Variants in AGR3 observed in about 807,000 individuals in gnomAD.
The protein encoded by AGR3 is anterior gradient 3, protein disulphide isomerase family member.
AGR3 carries 37 observed loss-of-function variants against 24.5 expected under a neutral mutation model. The observed-to-expected ratio is 1.51, with a 90% CI of 1.16 to 1.99. The LOEUF (loss-of-function observed/expected upper bound fraction) is 1.99, where lower values mean the gene tolerates loss of function less well. Ranked by LOEUF, AGR3 falls within the 30% of genes most tolerant of loss-of-function variation. The pLI is 0.00. For synonymous variants in AGR3, 75 were observed against 61.6 expected, an observed-to-expected ratio of 1.22 and a Z score of -1.02; for missense variants, 228 against 191.1, an observed-to-expected ratio of 1.19 and a Z score of -1.14.
chr7:16,861,350 T>G (rs1781638749), intron 6 of AGR3, 34 bp downstream of exon 6: 47 of 1,486,188 alleles, frequency 3.2e-5, no homozygotes, highest in Non-Finnish European at 4.1e-5. Context: ...TCTACTAATT[T>G]TGTAGATCTG....
intron 4 of AGR3, among the ~76,000 whole-genome samples, 199 bp downstream of exon 4, chr7:16,862,411 A>G (rs558250965): frequency 6.0e-4 from 91 of 152,310 alleles, no homozygotes; most frequent in Middle Eastern, 6.8e-3. Context: ...CCAAGGGAAT[A>G]TAATAGAAAT....
At chr7:16,881,445 A>G (rs988960904) in intron 1 of AGR3, among the ~76,000 whole-genome samples, 3 of 152,190 alleles carry the variant, frequency 2.0e-5, no homozygotes, top group African/African-American at 7.2e-5. Context: ...TATCAGTTGC[A>G]AGGTTAAGCT....
intron 5 of AGR3, 48 bp downstream of exon 5, chr7:16,861,936 A>C: frequency 6.8e-7 from 1 of 1,481,446 alleles, no homozygotes; most frequent in Non-Finnish European, 9.2e-7. Context: ...CGGATTCAAA[A>C]TTTCCATGAA....
At position 16,878,580 on chromosome 7, in the gene AGR3, G is replaced by A. The variant is rs150179457; in HGVS notation, c.39C>T (p.Leu13=). ...LHSALGLCLL[L]VTVSSNLAIA... is the part of the protein sequence containing the mutation. ...TGGCAAGGTTGGAAGAAACTGTGAC[G>A]AGTAAGAGGCAGAGACCCAAAGCTG... Residue 13 remains leucine, a synonymous_variant, in exon 2 of 8, where the codon CTC becomes CTT. Coordinates refer to ENST00000310398, the MANE Select transcript of AGR3 (RefSeq NM_176813.5). The A allele has an allele frequency of 6.2e-6, 10 of 1,614,000 alleles. No individual in the cohort carries two copies. The highest frequency in any genetic ancestry group is 3.3e-4 in the Middle Eastern group (2 of 6,084).
At chr7:16,880,907 G>T (rs976366160) in intron 1 of AGR3, among the ~76,000 whole-genome samples, 5 of 152,074 alleles carry the variant, frequency 3.3e-5, no homozygotes, top group African/African-American at 1.2e-4. Context: ...TCTTAACCTG[G>T]ATCCAGCAGG....
intron 1 of AGR3, among the ~76,000 whole-genome samples, chr7:16,879,113 T>C (rs1217522511): frequency 1.3e-5 from 2 of 152,242 alleles, no homozygotes; most frequent in Non-Finnish European, 2.9e-5. Context: ...TGAATAAATA[T>C]TGCTTAAAAT....
intron 1 of AGR3, 69 bp from the exon 2 acceptor site, chr7:16,878,714 A>G: frequency 8.1e-7 from 1 of 1,231,730 alleles, no homozygotes; most frequent in Non-Finnish European, 1.2e-6. Flanking sequence ...GATATTTGCT[A>G]AGAGTTGGAC....
chr7:16,855,642 G>A (rs10244119), downstream of AGR3, among the ~76,000 whole-genome samples: 137,309 of 152,262 alleles, frequency 0.9, 61,986 homozygotes, highest in East Asian at 1. Context: ...AGCGAAAAAG[G>A]CAGATGTTGC....
chr7:16,862,104 A>C, intron 4 of AGR3, 44 bp from the exon 5 acceptor site: 3 of 1,429,804 alleles, frequency 2.1e-6, no homozygotes, highest in Non-Finnish European at 3.0e-6. Context: ...AAGGATCAAG[A>C]GACCTTTAAT....
At chr7:16,865,057 A>G (rs372370852) in intron 3 of AGR3, 32 of 790,486 alleles carry the variant, frequency 4.0e-5, no homozygotes, top group South Asian at 1.4e-4. Flanking sequence ...GAGGGCAACC[A>G]AGATGAGTCT....
At chr7:16,871,472 G>T (rs1321973799) in intron 3 of AGR3, among the ~76,000 whole-genome samples, 4 of 152,012 alleles carry the variant, frequency 2.6e-5, no homozygotes, top group Admixed American at 2.6e-4. Flanking sequence ...AAATCAACAT[G>T]CAAAACCAGT....
chr7:16,879,141 T>C (rs940660348), intron 1 of AGR3, among the ~76,000 whole-genome samples: 1 of 152,192 alleles, frequency 6.6e-6, no homozygotes, highest in Non-Finnish European at 1.5e-5. Flanking sequence ...AGAGGAAAAA[T>C]AGAATATGGA....
chr7:16,878,711 G>A (rs1350371442), intron 1 of AGR3, 66 bp from the exon 2 acceptor site: 2 of 1,253,514 alleles, frequency 1.6e-6, no homozygotes, highest in Non-Finnish European at 2.3e-6. Context: ...GAAGATATTT[G>A]CTAAGAGTTG....
In AGR3 at chr7:16,862,546, C is replaced by G. The variant is rs1161426372; in HGVS notation, c.226+64G>C. ...GCCTTCTTAGCTATTATTACCAGGT[C>G]ACTTTTCCTATTTTATATTGGAAAT... is the stretch of plus-strand genomic sequence containing the variant. On this transcript the variant is annotated intron_variant, in intron 4 of 7. Coordinates refer to ENST00000310398, the MANE Select transcript of AGR3 (RefSeq NM_176813.5). 10 of 1,061,302 alleles carry G rather than the reference C, an allele frequency of 9.4e-6. No individual in the cohort carries two copies. In the Admixed American group the frequency reaches 1.5e-4, roughly 16 times the overall value. 65.7% of individuals were successfully genotyped at this position (1,061,302 alleles called of 1,614,324 possible).
chr7:16,880,322 G>A (rs1398343349), intron 1 of AGR3, among the ~76,000 whole-genome samples: 1 of 151,524 alleles, frequency 6.6e-6, no homozygotes, highest in Non-Finnish European at 1.5e-5. Context: ...CATCATGCCC[G>A]GCTAATTTTT....
chr7:16,873,619 G>T (rs1781926548), intron 3 of AGR3, 161 bp downstream of exon 3: 1 of 605,390 alleles, frequency 1.7e-6, no homozygotes, highest in African/African-American at 1.9e-5. Flanking sequence ...CCACCAGAAA[G>T]AAATGATATG....
chr7:16,866,975 G>T (rs1488521616), intron 3 of AGR3, among the ~76,000 whole-genome samples: 1 of 151,852 alleles, frequency 6.6e-6, no homozygotes. Context: ...TTCTTTGTTT[G>T]GCTATGCTCA....
intron 3 of AGR3, chr7:16,864,943 T>C (rs1330586719): frequency 1.1e-5 from 11 of 994,402 alleles, no homozygotes; most frequent in Non-Finnish European, 1.8e-5. Context: ...GTCTATGTAG[T>C]TTTGGTGAAG....
intron 3 of AGR3, among the ~76,000 whole-genome samples, chr7:16,871,799 GC>G (rs1408490525): frequency 3.9e-5 from 6 of 151,958 alleles, no homozygotes; most frequent in African/African-American, 1.5e-4. Flanking sequence ...CTGAGATCGC[GC>G]CACTGTACTC....
Sources: allele counts gnomAD v4.1 joint callset (sites outside exome capture counted in the v4.1 genomes callset), GRCh38; gene constraint gnomAD v4.1.1; transcripts MANE v1.5; gene names NCBI Gene and HGNC (gene_info 2026-07-23, HGNC 2026-07-21).